The following PRKCI variants were observed in gnomAD, a reference collection of about 807,000 sequenced individuals.
The protein encoded by PRKCI is protein kinase C iota type.
In PRKCI, 43 loss-of-function variants were observed where a neutral mutation model predicts 84.0. That is an observed-to-expected ratio of 0.51 (90% confidence interval 0.40 to 0.66). The LOEUF is 0.66. Ranked by LOEUF, PRKCI falls within the 30% of genes least tolerant of loss-of-function variation. The pLI, the probability that PRKCI is intolerant of heterozygous loss-of-function variation, is 0.00. For missense variants in PRKCI, 459 were observed against 745.6 expected (o/e 0.62, Z 4.48); for synonymous variants, 216 against 234.4 (o/e 0.92, Z 0.72).
rs1156660769 is a variant in PRKCI at position 170,274,398 on chromosome 3, T to G, written c.647-831T>G. ...ATCCACCCGCCTTGGCCTCCCAAAG[T>G]GCTGGGATTACAGGCATGAGCCATG... On this transcript the variant is annotated intron_variant, in intron 7 of 17. Coordinates refer to ENST00000295797, the MANE Select transcript of PRKCI (RefSeq NM_002740.6). Among the ~76,000 whole-genome samples the G allele has an allele frequency of 3.9e-5, 6 of 152,360 alleles. No individual in the cohort carries two copies. In the East Asian group the frequency reaches 1.2e-3, roughly 29 times the overall value.
chr3:170,291,323 C>T (rs182509235), intron 12 of PRKCI, among the ~76,000 whole-genome samples: 1 of 152,194 alleles, frequency 6.6e-6, no homozygotes, highest in African/African-American at 2.4e-5. Context: ...TCAAGTCGTA[C>T]CTTAATTGAA....
Position 170,222,813 on chromosome 3 carries a change from C to T in PRKCI, c.101+43C>T, listed in dbSNP as rs200136885. On this transcript the variant is annotated intron_variant, in intron 1 of 17. Coordinates refer to ENST00000295797, the MANE Select transcript of PRKCI (RefSeq NM_002740.6). Reference sequence around the variant, plus strand: ...GGGCGGTGGGCGGGAGGGGACAGGCCGGCTCCACTCGGCCTGGAGGAGGGG... The same window carrying T: ...GGGCGGTGGGCGGGAGGGGACAGGCTGGCTCCACTCGGCCTGGAGGAGGGG... 9.4e-5 allele frequency: 118 copies of T among 1,255,290 alleles called. No homozygotes were observed. The East Asian group carries it at 4.0e-3, about 43-fold the overall frequency. 77.8% of individuals were successfully genotyped at this position (1,255,290 alleles called of 1,614,324 possible).
At chr3:170,227,816 A>G (rs1443469420) in intron 1 of PRKCI, among the ~76,000 whole-genome samples, 1 of 152,148 alleles carries the variant, frequency 6.6e-6, no homozygotes, top group East Asian at 1.9e-4. Context: ...TTTTAGAAAG[A>G]TAACACTTGA....
rs184216798 is a variant in PRKCI, at chr3:170,293,418, A to G, written c.1327A>G (p.Met443Val). The change falls in exon 14 of 18, where the codon ATG (methionine) becomes GTG (valine). Residue 443 changes from methionine to valine, a missense_variant. Physicochemically the swap from Met to Val is conservative, Grantham distance 21. Around this residue, in one of 2 missense-constraint regions of PRKCI, gnomAD observed 209 missense variants for 425.9 expected, o/e 0.49. Coordinates refer to ENST00000295797, the MANE Select transcript of PRKCI (RefSeq NM_002740.6). ...TGACTGGTGGGCTCTTGGAGTGCTC[A>G]TGTTTGAGATGATGGCAGGAAGGTC... ...SVDWWALGVL[M>V]FEMMAGRSPF... 3.8e-5 allele frequency: 61 copies of G among 1,613,558 alleles called. No individual in the cohort carries two copies. The East Asian group carries it at 6.2e-4, about 17-fold the overall frequency.
At chr3:170,256,138 T>C (rs192735572) in intron 2 of PRKCI, among the ~76,000 whole-genome samples, 23 of 152,280 alleles carry the variant, frequency 1.5e-4, no homozygotes, top group African/African-American at 5.5e-4. Flanking sequence ...GACCTGTAGT[T>C]TTCTCTCTTT....
chr3:170,283,747 T>G (rs1026360939), intron 11 of PRKCI, among the ~76,000 whole-genome samples: 3 of 152,164 alleles, frequency 2.0e-5, no homozygotes, highest in Non-Finnish European at 4.4e-5. Flanking sequence ...GGGCTTAAGT[T>G]CCCAAATCAC....
intron 8 of PRKCI, 121 bp downstream of exon 8, chr3:170,275,408 A>G (rs1734092389): frequency 1.2e-6 from 1 of 828,118 alleles, no homozygotes; most frequent in East Asian, 3.0e-5. Flanking sequence ...TGCAAAAATG[A>G]TTTGTAATGA....
intron 1 of PRKCI, among the ~76,000 whole-genome samples, chr3:170,223,026 T>G (rs1732533763): frequency 6.6e-6 from 1 of 151,254 alleles, no homozygotes; most frequent in African/African-American, 2.4e-5. Context: ...GAAGCTAGGG[T>G]TAGAGTAGGT....
chr3:170,250,593 A>G (rs1178938459), intron 2 of PRKCI, among the ~76,000 whole-genome samples: 1 of 152,098 alleles, frequency 6.6e-6, no homozygotes, highest in Non-Finnish European at 1.5e-5. Context: ...GTCATTACTA[A>G]TTCCTTTTAT....
chr3:170,234,941 A>AT (rs909707600), intron 1 of PRKCI, among the ~76,000 whole-genome samples: 65 of 148,082 alleles, frequency 4.4e-4, no homozygotes, highest in South Asian at 6.5e-4. Flanking sequence ...CCTCTGGCTA[A>AT]TTTTTTTTTT....
intron 1 of PRKCI, among the ~76,000 whole-genome samples, chr3:170,230,656 C>CT (rs1732763277): frequency 6.6e-6 from 1 of 152,160 alleles, no homozygotes; most frequent in Non-Finnish European, 1.5e-5. Flanking sequence ...AAGTGATTAT[C>CT]TTTTCAGTGA....
intron 14 of PRKCI, among the ~76,000 whole-genome samples, chr3:170,295,669 C>T (rs1320689656): frequency 6.7e-6 from 1 of 148,598 alleles, no homozygotes; most frequent in Non-Finnish European, 1.5e-5. Context: ...AAACAAGACT[C>T]CATCTCAAAA....
intron 1 of PRKCI, among the ~76,000 whole-genome samples, chr3:170,228,388 C>T (rs1732689278): frequency 6.6e-6 from 1 of 152,020 alleles, no homozygotes; most frequent in African/African-American, 2.4e-5. Context: ...TCACTTGAGC[C>T]CAGGAATTGG....
intron 2 of PRKCI, among the ~76,000 whole-genome samples, chr3:170,248,692 T>C (rs1733357703): frequency 6.6e-6 from 1 of 152,162 alleles, no homozygotes; most frequent in South Asian, 2.1e-4. Flanking sequence ...TTTTCATACT[T>C]CCTTATGGTT....
rs745958617 is a variant in PRKCI, at chr3:170,293,430, A to G, written c.1339A>G (p.Met447Val). The change falls in exon 14 of 18, where the codon ATG becomes GTG. Residue 447 changes from methionine (M) to valine (V), a missense_variant. This residue lies in a region of PRKCI where 209 missense variants were observed against 425.9 expected (regional missense o/e 0.49). Transcript: ENST00000295797. ...WALGVLMFEM[M>V]AGRSPFDIVG... ...TCTTGGAGTGCTCATGTTTGAGATG[A>G]TGGCAGGAAGGTCTCCATTTGATAT... The G allele has an allele frequency of 1.9e-6, 3 of 1,613,640 alleles. No individual in the cohort carries two copies. Among genetic ancestry groups the G allele is most frequent in the Non-Finnish European group, 2.5e-6 (3 of 1,179,636 alleles).
intron 1 of PRKCI, among the ~76,000 whole-genome samples, chr3:170,231,743 G>A (rs141813416): frequency 0.016 from 2,479 of 152,308 alleles, 83 homozygotes; most frequent in African/African-American, 0.057. Flanking sequence ...AGGATTACAG[G>A]TGTGAGCCAC....
chr3:170,236,624 G>C (rs1299007403), intron 2 of PRKCI, among the ~76,000 whole-genome samples: 1 of 152,120 alleles, frequency 6.6e-6, no homozygotes, highest in Non-Finnish European at 1.5e-5. Context: ...GCACTTTAGA[G>C]TCTGAGGTGG....
intron 2 of PRKCI, among the ~76,000 whole-genome samples, chr3:170,239,922 A>G (rs1733080295): frequency 6.6e-6 from 1 of 152,100 alleles, no homozygotes. Context: ...CCAAGGCAGA[A>G]GGATCCCTTG....
chr3:170,228,650 C>T (rs533786633), intron 1 of PRKCI, among the ~76,000 whole-genome samples: 33 of 151,806 alleles, frequency 2.2e-4, no homozygotes, highest in African/African-American at 7.5e-4. Context: ...CATATACATA[C>T]ACACACATAT....
Sources: gnomAD v4.1 joint callset for allele counts (sites outside exome capture counted in the v4.1 genomes callset) on GRCh38, gnomAD v4.1.1 for gene constraint, gnomAD v4.1.1 regional missense constraint, MANE v1.5 for transcripts, NCBI Gene and HGNC (gene_info 2026-07-23, HGNC 2026-07-21) for gene names.